EBF1: variants seen among roughly 807,000 people sequenced by gnomAD.
The protein encoded by EBF1 is EBF transcription factor 1.
Under a neutral mutation model 68.4 loss-of-function variants are expected in EBF1, and 10 were observed. The ratio of observed to expected loss-of-function variants is 0.15; its 90% CI spans 0.09 to 0.25. EBF1 has a LOEUF of 0.25. Among genes scored for constraint, EBF1 ranks in the 10% least tolerant of loss-of-function variants. The pLI, the probability that EBF1 is intolerant of heterozygous loss-of-function variation, is 1.00. For missense variants in EBF1, 509 were observed against 794.4 expected (o/e 0.64, Z 4.32); for synonymous variants, 298 against 299.8 (o/e 0.99, Z 0.06).
At position 158,712,277 on chromosome 5, in the gene EBF1, G is replaced by T. The variant is rs746711236; in HGVS notation, c.1426C>A (p.Pro476Thr). The change falls in exon 14 of 16, where the codon CCC becomes ACC. Residue 476 changes from proline (P) to threonine (T), a missense_variant. Transcript: ENST00000313708. ...ACGGAGTTATAGTTGGTCTGCTGGG[G>T]AGTGGTGCTCGGCACGTACCCGTGT... is the stretch of plus-strand genomic sequence containing the variant. The part of the protein sequence containing the change: ...SPHGYVPSTT[P>T]QQTNYNSVTT... The T allele has an allele frequency of 6.2e-7, 1 of 1,614,102 alleles. No homozygotes were observed. The highest frequency in any genetic ancestry group is 8.5e-7 in the Non-Finnish European group (1 of 1,179,990).
At chr5:158,963,663 G>A (rs1753514351) in intron 6 of EBF1, among the ~76,000 whole-genome samples, 2 of 151,926 alleles carry the variant, frequency 1.3e-5, no homozygotes, top group South Asian at 4.2e-4. Context: ...ACTTGGGTAG[G>A]AAAAAAACAA....
rs1755841453 is a variant in EBF1 at position 158,696,837 on chromosome 5, A to G, written c.*2274T>C. The G allele has an allele frequency of 5.0e-6, 1 of 198,196 alleles. No individual in the cohort carries two copies. Among genetic ancestry groups the G allele is most frequent in the African/African-American group, 2.3e-5 (1 of 42,908 alleles). 12.3% of individuals were successfully genotyped at this position (198,196 alleles called of 1,614,324 possible). A position where few individuals can be genotyped will look rare whatever the true frequency, so the allele number is the denominator to read the frequency against. ...GTTGTAAATGATTTCTTGCTCTACT[A>G]GAAAAAGTTACATTGTCTTAAGGTA... On this transcript the variant is annotated 3_prime_UTR_variant, in exon 16 of 16. Transcript: ENST00000313708.
intron 6 of EBF1, among the ~76,000 whole-genome samples, chr5:158,868,575 T>C (rs887964062): frequency 2.0e-4 from 30 of 152,312 alleles, no homozygotes; most frequent in African/African-American, 6.7e-4. Context: ...GGCAGTGCTT[T>C]TTTGTTATGT....
chr5:158,704,600 A>G (rs1757465556), intron 15 of EBF1, among the ~76,000 whole-genome samples: 1 of 152,196 alleles, frequency 6.6e-6, no homozygotes, highest in African/African-American at 2.4e-5. Flanking sequence ...CCTTACACCA[A>G]TTCCATAACC....
intron 9 of EBF1, among the ~76,000 whole-genome samples, chr5:158,780,423 T>C (rs1251248345): frequency 6.6e-6 from 1 of 152,182 alleles, no homozygotes; most frequent in Non-Finnish European, 1.5e-5. Context: ...CAAACTTTCA[T>C]CATTGGAATA....
intron 11 of EBF1, among the ~76,000 whole-genome samples, chr5:158,727,311 G>A (rs752329951): frequency 2.0e-5 from 3 of 152,154 alleles, no homozygotes; most frequent in East Asian, 1.9e-4. Flanking sequence ...GACCACTCAC[G>A]AAGGCAACTA....
At chr5:159,059,596 T>A (rs1347928200) in intron 6 of EBF1, among the ~76,000 whole-genome samples, 1 of 152,164 alleles carries the variant, frequency 6.6e-6, no homozygotes, top group South Asian at 2.1e-4. Flanking sequence ...GAAACATTAA[T>A]CAAACCATGG....
chr5:159,041,027 G>C (rs910120474), intron 6 of EBF1, among the ~76,000 whole-genome samples: 3 of 152,126 alleles, frequency 2.0e-5, no homozygotes, highest in African/African-American at 7.2e-5. Flanking sequence ...ATCTACAGAG[G>C]AACAGTCATC....
intron 6 of EBF1, among the ~76,000 whole-genome samples, chr5:158,937,367 T>C (rs2127458765): frequency 6.6e-6 from 1 of 152,006 alleles, no homozygotes; most frequent in Admixed American, 6.5e-5. Context: ...AATAGGCAAA[T>C]TGGACAGAAA....
chr5:159,040,219 G>A (rs1190402763), intron 6 of EBF1, among the ~76,000 whole-genome samples: 1 of 152,156 alleles, frequency 6.6e-6, no homozygotes, highest in Non-Finnish European at 1.5e-5. Context: ...CTTAGAAAAT[G>A]CTGCTCTCAG....
At chr5:159,028,265 A>T (rs1236000491) in intron 6 of EBF1, among the ~76,000 whole-genome samples, 6 of 152,184 alleles carry the variant, frequency 3.9e-5, no homozygotes, top group African/African-American at 1.4e-4. Flanking sequence ...AGGAGAGAGG[A>T]TATTCCCTCA....
intron 6 of EBF1, among the ~76,000 whole-genome samples, chr5:158,958,638 C>A (rs1297654411): frequency 6.6e-6 from 1 of 152,112 alleles, no homozygotes; most frequent in Non-Finnish European, 1.5e-5. Context: ...ATTTTCCCCC[C>A]ACAGACAGGT....
chr5:158,702,503 A>C (rs927539726), intron 15 of EBF1, among the ~76,000 whole-genome samples: 1 of 152,168 alleles, frequency 6.6e-6, no homozygotes, highest in African/African-American at 2.4e-5. Flanking sequence ...TGCATTTTTC[A>C]TTACCGTTTC....
At chr5:159,002,550 C>T (rs1275210907) in intron 6 of EBF1, among the ~76,000 whole-genome samples, 3 of 152,168 alleles carry the variant, frequency 2.0e-5, no homozygotes, top group African/African-American at 7.2e-5. Context: ...TGAATTATTT[C>T]CTATTTTCCA....
intron 6 of EBF1, among the ~76,000 whole-genome samples, chr5:158,989,854 T>G (rs1759911847): frequency 6.6e-6 from 1 of 152,192 alleles, no homozygotes; most frequent in South Asian, 2.1e-4. Context: ...TGACCTCCCC[T>G]GCTAAGTGCT....
intron 4 of EBF1, among the ~76,000 whole-genome samples, chr5:159,095,104 C>G (rs558035366): frequency 6.6e-6 from 1 of 152,322 alleles, no homozygotes; most frequent in South Asian, 2.1e-4. Flanking sequence ...CCTCTTTCAA[C>G]ACTACCTTCA....
intron 6 of EBF1, among the ~76,000 whole-genome samples, chr5:158,854,182 C>A (rs764535244): frequency 2.0e-5 from 3 of 152,176 alleles, no homozygotes; most frequent in Non-Finnish European, 4.4e-5. Context: ...ACTGTAATAA[C>A]CAAAGTGGCA....
At chr5:158,960,881 C>T (rs141778971) in intron 6 of EBF1, among the ~76,000 whole-genome samples, 27 of 152,286 alleles carry the variant, frequency 1.8e-4, no homozygotes, top group Non-Finnish European at 2.2e-4. Flanking sequence ...GCCCTGTGAA[C>T]GAACTACCTT....
chr5:158,792,303 G>A (rs1009882360), intron 9 of EBF1, among the ~76,000 whole-genome samples: 1 of 152,158 alleles, frequency 6.6e-6, no homozygotes, highest in African/African-American at 2.4e-5. Context: ...TCACAAGAAC[G>A]CCATGTGAAC....
Sources: gnomAD v4.1 joint callset for allele counts (sites outside exome capture counted in the v4.1 genomes callset) on GRCh38, gnomAD v4.1.1 for gene constraint, MANE v1.5 for transcripts, NCBI Gene and HGNC (gene_info 2026-07-23, HGNC 2026-07-21) for gene names.